The following TRIM50 variants were observed in gnomAD, a reference collection of about 807,000 sequenced individuals.
TRIM50 encodes the protein E3 ubiquitin-protein ligase TRIM50.
A neutral mutation model predicts 44.9 loss-of-function variants in TRIM50; 34 were observed. That is an observed-to-expected ratio of 0.76 (90% CI 0.58 to 1.01). TRIM50 has a LOEUF of 1.01. TRIM50 is among the 50% of genes least tolerant of loss of function. The pLI is 0.00. For missense variants in TRIM50, 633 were observed against 663.7 expected, an observed-to-expected ratio of 0.95 and a Z score of 0.51; for synonymous variants, 307 against 291.1, an observed-to-expected ratio of 1.05 and a Z score of -0.56.
chr7:73,323,681 C>A (rs1258904971), intron 2 of TRIM50, among the ~76,000 whole-genome samples: 1 of 152,190 alleles, frequency 6.6e-6, no homozygotes, highest in Non-Finnish European at 1.5e-5. Context: ...CACTGAAATA[C>A]ACCAGGGGAC....
intron 2 of TRIM50, among the ~76,000 whole-genome samples, chr7:73,322,324 G>A (rs1554545187): frequency 6.6e-6 from 1 of 152,152 alleles, no homozygotes; most frequent in African/African-American, 2.4e-5. Flanking sequence ...GCTCCAGCCT[G>A]GGCGACAGAG....
chr7:73,316,185 A>G (rs1221424900), intron 6 of TRIM50, among the ~76,000 whole-genome samples: 5 of 152,120 alleles, frequency 3.3e-5, no homozygotes, highest in African/African-American at 7.2e-5. Context: ...CCAGACAAAA[A>G]GTACATTACT....
intron 2 of TRIM50, among the ~76,000 whole-genome samples, chr7:73,322,747 C>A (rs1461891495): frequency 2.6e-5 from 4 of 152,186 alleles, no homozygotes; most frequent in African/African-American, 9.7e-5. Flanking sequence ...TTGGGGTCAT[C>A]ATCAGTGTCT....
chr7:73,317,546 C>T (rs1399727426), intron 5 of TRIM50, among the ~76,000 whole-genome samples: 2 of 151,656 alleles, frequency 1.3e-5, no homozygotes, highest in Admixed American at 6.6e-5. Flanking sequence ...TTCATAGAGA[C>T]GGGGTTTCAC....
intron 4 of TRIM50, 37 bp downstream of exon 4, chr7:73,318,785 G>A (rs774460152): frequency 6.2e-7 from 1 of 1,614,012 alleles, no homozygotes; most frequent in Non-Finnish European, 8.5e-7. Flanking sequence ...GAAGGCCCTG[G>A]CGGGTATGGG....
rs782419748 is a variant in TRIM50 at position 73,318,984 on chromosome 7, C to G, written c.564G>C (p.Glu188Asp). 2.5e-6 allele frequency: 4 copies of G among 1,614,030 alleles called. No homozygotes were observed. Among genetic ancestry groups the G allele is most frequent in the Non-Finnish European group, 3.4e-6 (4 of 1,179,868 alleles). Residue 188 changes from glutamate to aspartate, a missense_variant, in exon 4 of 7, where the codon GAG becomes GAC. Glu to Asp is a conservative substitution (Grantham distance 45). Transcript: ENST00000333149. ...TCCCCTCCAGGCAGCGGGCCTTCTC[C>G]TCATCCACCAGGTGGTGCAGCTCCT... ...EFQELHHLVD[E>D]EKARCLEGIG...
chr7:73,316,453 C>T, intron 6 of TRIM50, 112 bp downstream of exon 6: 1 of 1,451,122 alleles, frequency 6.9e-7, no homozygotes, highest in Non-Finnish European at 9.2e-7. Context: ...TAGGACCCTC[C>T]ACAAACCTCC....
At chr7:73,323,375 A>G (rs13240714) in intron 2 of TRIM50, among the ~76,000 whole-genome samples, 1 of 152,050 alleles carries the variant, frequency 6.6e-6, no homozygotes, top group Non-Finnish European at 1.5e-5. Context: ...CCTGGCCAAC[A>G]AGGCTAATTT....
Position 73,316,655 on chromosome 7 carries a change from C to T in TRIM50, c.784G>A (p.Ala262Thr), listed in dbSNP as rs145574112. The change falls in exon 6 of 7, where the codon GCA (alanine) becomes ACA (threonine). Residue 262 changes from alanine to threonine, a missense_variant. Coordinates refer to ENST00000333149, the MANE Select transcript of TRIM50 (RefSeq NM_178125.3). The stretch of plus-strand genomic sequence containing the variant: ...GGCTTGAAGGAGATGGGGCTGAATG[C>T]GCCTTCTAAGGGCCGGGCCTGCGGC... ...EMPQARPLEG[A>T]FSPISFKPGL... 7.4e-5 allele frequency: 120 copies of T among 1,614,056 alleles called. No homozygotes were observed. The highest frequency in any genetic ancestry group is 4.7e-4 in the Admixed American group (28 of 60,002).
Position 73,313,633 on chromosome 7 carries a change from C to T in TRIM50, c.875-123G>A, listed in dbSNP as rs1342004446. The T allele has an allele frequency of 2.5e-6, 2 of 790,830 alleles. No homozygotes were observed. The highest frequency in any genetic ancestry group is 5.4e-5 in the East Asian group (2 of 36,940). 49.0% of individuals were successfully genotyped at this position (790,830 alleles called of 1,614,324 possible). The stretch of plus-strand genomic sequence containing the variant: ...GGCTGTGTCTTCCTCATCTCTCTAG[C>T]CCCAGGGTCTAGAAGGGGCCAGTAC... On this transcript the variant is annotated intron_variant, in intron 6 of 6. Transcript: ENST00000333149. The surrounding 1 kb of genome is among the most constrained non-coding windows in gnomAD (Gnocchi z 4.9).
At chr7:73,325,795 C>T (rs1454142736) in intron 1 of TRIM50, among the ~76,000 whole-genome samples, 2 of 151,622 alleles carry the variant, frequency 1.3e-5, no homozygotes, top group Non-Finnish European at 2.9e-5. Flanking sequence ...ACACCGTCCA[C>T]ACCTCATGAC....
intron 6 of TRIM50, chr7:73,314,446 G>A: frequency 2.3e-6 from 1 of 427,562 alleles, no homozygotes; most frequent in Non-Finnish European, 4.6e-6. Context: ...AGCAGAGACT[G>A]TTGGCCCTGA....
rs1376035586 is a variant in TRIM50, at chr7:73,316,599, G to T, written c.840C>A (p.Thr280=). The change falls in exon 6 of 7, where the codon ACC becomes ACA. Residue 280 remains threonine, a synonymous_variant. Coordinates refer to ENST00000333149, the MANE Select transcript of TRIM50 (RefSeq NM_178125.3). ...PGLHQADIKL[T]VWKRLFRKVL... Reference sequence around the variant, plus strand: ...CTTTCCGGAAGAGCCTTTTCCACACGGTCAGCTTGATGTCAGCCTGGTGGA... The same window carrying T: ...CTTTCCGGAAGAGCCTTTTCCACACTGTCAGCTTGATGTCAGCCTGGTGGA... 3 of 1,614,216 alleles carry T rather than the reference G, an allele frequency of 1.9e-6. No individual in the cohort carries two copies. The highest frequency in any genetic ancestry group is 2.5e-6 in the Non-Finnish European group (3 of 1,180,038).
At chr7:73,319,296 T>C (rs1418962151) in intron 3 of TRIM50, among the ~76,000 whole-genome samples, 1 of 151,938 alleles carries the variant, frequency 6.6e-6, no homozygotes, top group African/African-American at 2.4e-5. Flanking sequence ...TGGCCTGTTT[T>C]AATTTTTTTT....
At chr7:73,315,635 G>A (rs1369643255) in intron 6 of TRIM50, among the ~76,000 whole-genome samples, 1 of 152,110 alleles carries the variant, frequency 6.6e-6, no homozygotes, top group Admixed American at 6.5e-5. Flanking sequence ...GATTGCAGGC[G>A]TGAGCCGCCG....
chr7:73,313,116 G>GC lies in TRIM50; in HGVS notation c.1268dup (p.Glu424ArgfsTer12), dbSNP rs782140265. On this transcript the variant is annotated frameshift_variant, in exon 7 of 7. Transcript: ENST00000333149. LOFTEE classifies it high-confidence loss of function. This position sits in a 1 kb window ranked among gnomAD's most constrained non-coding sequence, Gnocchi z 4.9. ...GGTCGGCATCGAAGAAGGTGAGTTCGCCCTGCTCATAGTGCAGGTAGAGCC... is the reference window on the plus strand; with the variant it reads ...GGTCGGCATCGAAGAAGGTGAGTTCGCCCCTGCTCATAGTGCAGGTAGAGCC... The GC allele has an allele frequency of 1.7e-5, 27 of 1,593,402 alleles. No individual in the cohort carries two copies. Among genetic ancestry groups the GC allele is most frequent in the Non-Finnish European group, 2.2e-5 (26 of 1,170,588 alleles).
rs781789283 is a variant in TRIM50 at position 73,324,632 on chromosome 7, G to C, written c.156C>G (p.Arg52=). Residue 52 remains arginine (R), a synonymous_variant, in exon 2 of 7, where the codon CGC becomes CGG. Coordinates refer to ENST00000333149, the MANE Select transcript of TRIM50 (RefSeq NM_178125.3). ...CCACCGCCTGCCGGCACACGGGGCA[G>C]CGCAGCTCGGCATCCAGGTGGCAGG... ...SLSCHLDAEL[R]CPVCRQAVDG... The C allele has an allele frequency of 1.9e-6, 3 of 1,614,218 alleles. No homozygotes were observed. In the Admixed American group the frequency reaches 5.0e-5, roughly 27 times the overall value.
intron 2 of TRIM50, 126 bp downstream of exon 2, chr7:73,324,263 G>C (rs1804560740): frequency 6.6e-7 from 1 of 1,520,594 alleles, no homozygotes; most frequent in South Asian, 1.2e-5. Flanking sequence ...GAATGAATGC[G>C]CCAGGGCACA....
rs782518450 is a variant in TRIM50, at chr7:73,318,803, C to T, written c.726+19G>A. 13 of 1,613,712 alleles carry T rather than the reference C, an allele frequency of 8.1e-6. No individual in the cohort carries two copies. The highest frequency in any genetic ancestry group is 1.6e-4 in the Middle Eastern group (1 of 6,078). On this transcript the variant is annotated intron_variant, in intron 4 of 6. Coordinates refer to ENST00000333149, the MANE Select transcript of TRIM50 (RefSeq NM_178125.3). The stretch of plus-strand genomic sequence containing the variant: ...GGCCCTGGCGGGTATGGGGATGGGA[C>T]GCCTCCCTGTCCACTCACCCGGATG...
Sources: gnomAD v4.1 joint callset for allele counts (sites outside exome capture counted in the v4.1 genomes callset) on GRCh38, gnomAD v4.1.1 for gene constraint, Gnocchi (gnomAD v3.1) non-coding constraint, MANE v1.5 for transcripts, NCBI Gene and HGNC (gene_info 2026-07-23, HGNC 2026-07-21) for gene names.